Variants in LIMCH1 observed in about 807,000 individuals in gnomAD.
LIMCH1 encodes the protein LIM and calponin homology domains 1.
A neutral mutation model predicts 176.5 loss-of-function variants in LIMCH1; 113 were observed. The ratio of observed to expected loss-of-function variants is 0.64; its 90% CI spans 0.55 to 0.75. The LOEUF (loss-of-function observed/expected upper bound fraction) is 0.75, where lower values mean the gene tolerates loss of function less well. Among genes scored for constraint, LIMCH1 ranks in the 30% least tolerant of loss-of-function variants. The probability of loss-of-function intolerance (pLI) is 0.00; values close to 1 mark genes in which losing one functional copy is unlikely to be tolerated. For missense variants in LIMCH1, 1,674 were observed against 1,814.9 expected (o/e 0.92, Z 1.41); for synonymous variants, 619 against 645.9 (o/e 0.96, Z 0.63).
intron 24 of LIMCH1, 61 bp downstream of exon 24, chr4:41,680,159 A>G: frequency 8.8e-7 from 1 of 1,132,848 alleles, no homozygotes; most frequent in Non-Finnish European, 1.3e-6. Context: ...GTCTAGCAAC[A>G]CTCTCTGTGT....
intron 1 of LIMCH1, among the ~76,000 whole-genome samples, chr4:41,398,884 C>G (rs1355149900): frequency 6.6e-6 from 1 of 152,142 alleles, no homozygotes; most frequent in African/African-American, 2.4e-5. Context: ...TCCCTAAATA[C>G]AACAAGCAGC....
chr4:41,645,465 G>A (rs1166961438), intron 15 of LIMCH1, among the ~76,000 whole-genome samples: 1 of 152,144 alleles, frequency 6.6e-6, no homozygotes, highest in Non-Finnish European at 1.5e-5. Context: ...TTTTAGAGAG[G>A]AGGAAATGGA....
intron 27 of LIMCH1, 49 bp downstream of exon 27, chr4:41,684,567 A>G: frequency 1.3e-6 from 2 of 1,597,304 alleles, no homozygotes; most frequent in Non-Finnish European, 1.7e-6. Flanking sequence ...TTGTTGTAAG[A>G]CCCCCACATT....
intron 1 of LIMCH1, among the ~76,000 whole-genome samples, chr4:41,423,189 G>A (rs891674875): frequency 3.3e-5 from 5 of 152,188 alleles, no homozygotes; most frequent in East Asian, 1.9e-4. Flanking sequence ...GACACCCTCC[G>A]TATGATATGG....
chr4:41,612,733 T>C (rs1315966189), intron 4 of LIMCH1: 1 of 679,304 alleles, frequency 1.5e-6, no homozygotes, highest in Non-Finnish European at 2.6e-6. Context: ...TCTGAACATG[T>C]GGGTCAGCCA....
At chr4:41,364,122 C>T (rs1410110143) in intron 1 of LIMCH1, among the ~76,000 whole-genome samples, 3 of 152,040 alleles carry the variant, frequency 2.0e-5, no homozygotes, top group African/African-American at 7.2e-5. Context: ...TTGTTAGCAA[C>T]AACAAAAATG....
intron 1 of LIMCH1, among the ~76,000 whole-genome samples, chr4:41,575,121 T>C (rs912529287): frequency 1.3e-5 from 2 of 152,220 alleles, no homozygotes; most frequent in African/African-American, 4.8e-5. Context: ...CCTCTAAATA[T>C]CTATTGGTAG....
intron 18 of LIMCH1, among the ~76,000 whole-genome samples, chr4:41,657,237 G>A (rs2094489714): frequency 6.6e-6 from 1 of 152,228 alleles, no homozygotes; most frequent in African/African-American, 2.4e-5. Context: ...ACCAGTTGGA[G>A]AAGGGAAGGG....
At position 41,594,966 on chromosome 4, in the gene LIMCH1, A is replaced by G. The variant is rs185316791; in HGVS notation, c.-240-3954A>G. On this transcript the variant is annotated intron_variant, in intron 1 of 31. Transcript: ENST00000503057. Reference sequence around the variant, plus strand: ...CAGCCTTTGCTTTCCTCTGGGCAGAAAGCACTCAGAGCTTAAAGGCCAGTC... The same window carrying G: ...CAGCCTTTGCTTTCCTCTGGGCAGAGAGCACTCAGAGCTTAAAGGCCAGTC... Among the ~76,000 whole-genome samples, 3 of 152,330 alleles carry G rather than the reference A, an allele frequency of 2.0e-5. No homozygotes were observed. The East Asian group carries it at 5.8e-4, about 29-fold the overall frequency.
intron 18 of LIMCH1, among the ~76,000 whole-genome samples, chr4:41,653,656 A>G (rs1585383224): frequency 6.6e-6 from 1 of 152,348 alleles, no homozygotes; most frequent in East Asian, 1.9e-4. Context: ...AGGCAGGAGC[A>G]TGAATTCAGG....
Position 41,598,988 on chromosome 4 carries a change from GAGT to G in LIMCH1, c.-171_-169del, listed in dbSNP as rs2089439186. 6.2e-7 allele frequency: 1 copy of G among 1,611,766 alleles called. No individual in the cohort carries two copies. Among genetic ancestry groups the G allele is most frequent in the South Asian group, 1.1e-5 (1 of 90,970 alleles). ...TTAAAGAATCTCAACTTTTTGACCCGAGTGACCTCCAGGATACATCCAACAGAG... is the reference window on the plus strand; with the variant it reads ...TTAAAGAATCTCAACTTTTTGACCCGGACCTCCAGGATACATCCAACAGAG... On this transcript the variant is annotated 5_prime_UTR_variant, in exon 2 of 32. Coordinates refer to ENST00000503057, the MANE Select transcript of LIMCH1 (RefSeq NM_001330672.2).
upstream of LIMCH1, chr4:41,360,581 G>C (rs1226685803): frequency 4.2e-6 from 1 of 238,600 alleles, no homozygotes; most frequent in African/African-American, 2.3e-5. The surrounding 1 kb of genome is among the most constrained non-coding windows in gnomAD (Gnocchi z 4.5). Context: ...TCGAAGGTGG[G>C]GAGGAGAAGA....
At chr4:41,528,329 T>G (rs1474626414) in intron 3 of LIMCH1, among the ~76,000 whole-genome samples, 1 of 152,044 alleles carries the variant, frequency 6.6e-6, no homozygotes, top group African/African-American at 2.4e-5. Context: ...CTTGCAACCT[T>G]TTGGTAGGTT....
intron 13 of LIMCH1, among the ~76,000 whole-genome samples, chr4:41,635,374 C>T (rs1200035077): frequency 6.6e-6 from 1 of 152,050 alleles, no homozygotes. Flanking sequence ...ATTATATGCG[C>T]CCTCCACCAC....
At chr4:41,438,699 T>TG (rs550184575) in intron 1 of LIMCH1, among the ~76,000 whole-genome samples, 7 of 152,104 alleles carry the variant, frequency 4.6e-5, no homozygotes, top group South Asian at 2.1e-4. Flanking sequence ...TATTTTTTTT[T>TG]TTTGTTTTGC....
chr4:41,409,028 A>G (rs1178339521), intron 1 of LIMCH1, among the ~76,000 whole-genome samples: 4 of 152,182 alleles, frequency 2.6e-5, no homozygotes. Flanking sequence ...AAATTTGCTC[A>G]TCCTGACTCG....
intron 1 of LIMCH1, among the ~76,000 whole-genome samples, chr4:41,486,965 C>CACACATAT: frequency 1.7e-5 from 2 of 114,412 alleles, no homozygotes; most frequent in South Asian, 5.3e-4. Context: ...TATATACACA[C>CACACATAT]ACACACATAC....
rs1268119014 is a variant in LIMCH1, at chr4:41,650,391, A to G, written c.2821-2A>G. 6 of 1,612,266 alleles carry G rather than the reference A, an allele frequency of 3.7e-6. No homozygotes were observed. In the South Asian group the frequency reaches 5.5e-5, roughly 15 times the overall value. On this transcript the variant is annotated splice_acceptor_variant, in intron 17 of 31. Coordinates refer to ENST00000503057, the MANE Select transcript of LIMCH1 (RefSeq NM_001330672.2). LOFTEE classifies it high-confidence loss of function. ...GTTTTTTGTTCATTCTGGCTTTTAT[A>G]GGTAGACGGGAAAGTCAGTGTGAAT...
Position 41,663,530 on chromosome 4 carries a change from T to C in LIMCH1, c.3291+546T>C, listed in dbSNP as rs542482769. ...CATGGTAATTCTGATGCCACTGGAT[T>C]TGGATAACAAGAAACCTAGAAAATT... On this transcript the variant is annotated intron_variant, in intron 20 of 31. Coordinates refer to ENST00000503057, the MANE Select transcript of LIMCH1 (RefSeq NM_001330672.2). Among the ~76,000 whole-genome samples the C allele has an allele frequency of 9.8e-4, 149 of 152,264 alleles. 1 individual carries two copies. The highest frequency in any genetic ancestry group is 3.4e-3 in the African/African-American group (140 of 41,542).
Sources: gnomAD v4.1 joint callset for allele counts (sites outside exome capture counted in the v4.1 genomes callset) on GRCh38, gnomAD v4.1.1 for gene constraint, Gnocchi (gnomAD v3.1) non-coding constraint, MANE v1.5 for transcripts, NCBI Gene and HGNC (gene_info 2026-07-23, HGNC 2026-07-21) for gene names.